The following NFIB variants were observed in gnomAD, a reference collection of about 807,000 sequenced individuals.
NFIB encodes nuclear factor I B.
Under a neutral mutation model 61.5 loss-of-function variants are expected in NFIB, and 11 were observed. That is an observed-to-expected ratio of 0.18 (90% CI 0.11 to 0.30). The LOEUF is 0.30. NFIB is among the 10% of genes least tolerant of loss of function. The pLI is 1.00. For synonymous variants in NFIB, 260 were observed against 216.5 expected, an observed-to-expected ratio of 1.20 and a Z score of -1.76; for missense variants, 471 against 608.9, an observed-to-expected ratio of 0.77 and a Z score of 2.38.
chr9:14,377,257 GT>G (rs2061430642), intron 1 of NFIB, among the ~76,000 whole-genome samples: 2 of 152,170 alleles, frequency 1.3e-5, no homozygotes, highest in African/African-American at 4.8e-5. Flanking sequence ...GTCTCACTCT[GT>G]TCCCAAGACT....
chr9:14,458,143 G>C, the NFIB span, among the ~76,000 whole-genome samples: 3 of 152,202 alleles, frequency 2.0e-5, no homozygotes. Context: ...ACCAAATCCA[G>C]CAGCACATCA....
At chr9:14,413,788 C>A in the NFIB span, among the ~76,000 whole-genome samples, 6 of 152,026 alleles carry the variant, frequency 3.9e-5, no homozygotes, top group African/African-American at 1.4e-4. Context: ...CTAAGACAGC[C>A]ACAAAATGGT....
At chr9:14,103,794 A>G (rs1317053576) in intron 10 of NFIB, among the ~76,000 whole-genome samples, 1 of 152,224 alleles carries the variant, frequency 6.6e-6, no homozygotes, top group Non-Finnish European at 1.5e-5. Flanking sequence ...TATGATTTAA[A>G]GAACTGAAAA....
At chr9:14,450,144 G>A in the NFIB span, among the ~76,000 whole-genome samples, 5 of 151,880 alleles carry the variant, frequency 3.3e-5, no homozygotes, top group East Asian at 2.0e-4. Context: ...GACAGGCCCC[G>A]GTGTGTGATG....
rs552376496 is a variant in NFIB at position 14,350,338 on chromosome 9, G to GA, written c.109-42819dup. The stretch of plus-strand genomic sequence containing the variant: ...TTAAAAACGAAGGGCGTTTCTCTAA[G>GA]AAAAAAACAGACTTTCACAGAATGC... On this transcript the variant is annotated intron_variant, in intron 1 of 8. Transcript: ENST00000380934. Among the ~76,000 whole-genome samples the GA allele has an allele frequency of 3.9e-5, 6 of 152,256 alleles. No homozygotes were observed. The East Asian group carries it at 9.6e-4, about 24-fold the overall frequency.
chr9:14,104,918 T>C (rs1197773787), intron 10 of NFIB, among the ~76,000 whole-genome samples: 1 of 152,108 alleles, frequency 6.6e-6, no homozygotes, highest in Non-Finnish European at 1.5e-5. Context: ...GCTCTCAGCT[T>C]AGGTTGGAGA....
At chr9:14,509,343 C>A in the NFIB span, among the ~76,000 whole-genome samples, 6 of 152,166 alleles carry the variant, frequency 3.9e-5, no homozygotes, top group African/African-American at 1.4e-4. Flanking sequence ...ACACACTTTC[C>A]CCACCCAAGA....
chr9:14,252,252 C>T (rs1563945919), intron 2 of NFIB, among the ~76,000 whole-genome samples: 1 of 152,128 alleles, frequency 6.6e-6, no homozygotes, highest in African/African-American at 2.4e-5. Context: ...AAGTCTTGAA[C>T]ATATTTCCCA....
At chr9:14,518,002 T>C in the NFIB span, among the ~76,000 whole-genome samples, 1 of 152,234 alleles carries the variant, frequency 6.6e-6, no homozygotes, top group African/African-American at 2.4e-5. Context: ...TCTAACTAGA[T>C]GTAAACTCCA....
intron 4 of NFIB, among the ~76,000 whole-genome samples, chr9:14,154,654 A>G (rs150757198): frequency 1.3e-5 from 2 of 152,146 alleles, no homozygotes; most frequent in Non-Finnish European, 1.5e-5. Flanking sequence ...AAAAAGACCC[A>G]TGAGAGAAGT....
chr9:14,463,907 G>A, the NFIB span, among the ~76,000 whole-genome samples: 1 of 152,072 alleles, frequency 6.6e-6, no homozygotes. Flanking sequence ...TGGTCCGACC[G>A]CCTCGGCCTC....
intron 3 of NFIB, among the ~76,000 whole-genome samples, chr9:14,167,089 G>GT (rs2044915820): frequency 6.7e-6 from 1 of 149,544 alleles, no homozygotes; most frequent in African/African-American, 2.4e-5. Context: ...GTGTCGGGGG[G>GT]GGGGGGTTCC....
Position 14,287,658 on chromosome 9 carries a change from G to A in NFIB, c.562+19331C>T, listed in dbSNP as rs894055187. Reference sequence around the variant, plus strand: ...GCTGGTCTTGAACTACTGACCTCGTGATCCGCCTGCCTCAGCCTCCCACAG... The same window carrying A: ...GCTGGTCTTGAACTACTGACCTCGTAATCCGCCTGCCTCAGCCTCCCACAG... On this transcript the variant is annotated intron_variant, in intron 2 of 10. Transcript: ENST00000380953. Among the ~76,000 whole-genome samples the A allele has an allele frequency of 2.0e-5, 3 of 151,942 alleles. No homozygotes were observed. The East Asian group carries it at 5.9e-4, about 30-fold the overall frequency.
chr9:14,474,649 C>T, the NFIB span, among the ~76,000 whole-genome samples: 2 of 152,100 alleles, frequency 1.3e-5, no homozygotes, highest in East Asian at 3.8e-4. Flanking sequence ...GGCCAAATTC[C>T]CCTCCAGCTA....
At chr9:14,209,234 C>T (rs1032280741) in intron 2 of NFIB, among the ~76,000 whole-genome samples, 5 of 152,100 alleles carry the variant, frequency 3.3e-5, no homozygotes, top group African/African-American at 4.8e-5. Flanking sequence ...AATAATTGCT[C>T]GTTTCCAATA....
At position 14,340,952 on chromosome 9, in the gene NFIB, G is replaced by A. The variant is rs1010614383; in HGVS notation, c.109-33432C>T. Among the ~76,000 whole-genome samples, 5 of 151,366 alleles carry A rather than the reference G, an allele frequency of 3.3e-5. No individual in the cohort carries two copies. In the East Asian group the frequency reaches 7.7e-4, roughly 23 times the overall value. ...GAGCGGGTGGGCGGTGGCGGTAGTG[G>A]TTCTTATTTATACGTTAATACTCGT... On this transcript the variant is annotated intron_variant, in intron 1 of 8. Coordinates refer to the NFIB transcript ENST00000380934.
At position 14,211,062 on chromosome 9, in the gene NFIB, T is replaced by G. The variant is rs552601711; in HGVS notation, c.563-31282A>C. 2.0e-5 allele frequency among the ~76,000 whole-genome samples: 3 copies of G among 152,312 alleles called. No individual in the cohort carries two copies. In the South Asian group the frequency reaches 6.2e-4, roughly 32 times the overall value. ...TACTCAACAATCATTCCCTAAAAATTTAAAGTATTAATTACATACATGTAT... is the reference window on the plus strand; with the variant it reads ...TACTCAACAATCATTCCCTAAAAATGTAAAGTATTAATTACATACATGTAT... On this transcript the variant is annotated intron_variant, in intron 2 of 10. Coordinates refer to ENST00000380953, the MANE Select transcript of NFIB (RefSeq NM_001190737.2).
At position 14,328,462 on chromosome 9, in the gene NFIB, A is replaced by AAT. The variant is rs199869097; in HGVS notation, c.109-20944_109-20943dup. 5.4e-3 allele frequency among the ~76,000 whole-genome samples: 824 copies of AAT among 151,342 alleles called. 3 individuals carry two copies. The highest frequency in any genetic ancestry group is 0.014 in the Middle Eastern group (4 of 290). On this transcript the variant is annotated intron_variant, in intron 1 of 8. Transcript: ENST00000380934. ...TGGCATGGGGCCCTGAGCTGCCCTT[A>AAT]ATATATATATATATTTTAACCATTA...
intron 2 of NFIB, among the ~76,000 whole-genome samples, chr9:14,195,584 T>A (rs1445049313): frequency 6.6e-6 from 1 of 152,260 alleles, no homozygotes; most frequent in Non-Finnish European, 1.5e-5. Context: ...TTATTCACTG[T>A]CGATATAAAT....
Sources: allele counts gnomAD v4.1 joint callset (sites outside exome capture counted in the v4.1 genomes callset), GRCh38; gene constraint gnomAD v4.1.1; transcripts MANE v1.5; gene names NCBI Gene and HGNC (gene_info 2026-07-23, HGNC 2026-07-21).